The following SGMS1 variants were observed in gnomAD, a reference collection of about 807,000 sequenced individuals.
SGMS1 encodes phosphatidylcholine:ceramide cholinephosphotransferase 1.
A neutral mutation model predicts 46.2 loss-of-function variants in SGMS1; 13 were observed. The observed-to-expected ratio is 0.28, with a 90% CI of 0.18 to 0.45. SGMS1 has a LOEUF of 0.45. Ranked by LOEUF, SGMS1 falls within the 20% of genes least tolerant of loss-of-function variation. The pLI is 1.00. For synonymous variants in SGMS1, 203 were observed against 187.8 expected (o/e 1.08, Z -0.66); for missense variants, 324 against 519.9 (o/e 0.62, Z 3.66).
At chr10:50,482,496 G>A (rs1163450882) in intron 3 of SGMS1, among the ~76,000 whole-genome samples, 3 of 152,158 alleles carry the variant, frequency 2.0e-5, no homozygotes, top group African/African-American at 7.2e-5. Context: ...TCGAAACACT[G>A]AGGGAATTTG....
intron 7 of SGMS1, among the ~76,000 whole-genome samples, chr10:50,333,515 G>A (rs1589389523): frequency 1.3e-5 from 2 of 152,164 alleles, no homozygotes; most frequent in Admixed American, 1.3e-4. Flanking sequence ...ATTGGGGCCT[G>A]TGAGTTCTGT....
At chr10:50,479,077 A>G (rs940693224) in intron 3 of SGMS1, among the ~76,000 whole-genome samples, 1 of 115,780 alleles carries the variant, frequency 8.6e-6, no homozygotes, top group Non-Finnish European at 2.1e-5. Context: ...TCTTTGCTCC[A>G]GAATTTCTCC....
intron 7 of SGMS1, among the ~76,000 whole-genome samples, chr10:50,328,904 A>G (rs1035925880): frequency 6.6e-6 from 1 of 152,228 alleles, no homozygotes; most frequent in Non-Finnish European, 1.5e-5. Context: ...ATACCAAAGT[A>G]AATTCTACAT....
intron 6 of SGMS1, among the ~76,000 whole-genome samples, chr10:50,426,935 C>T (rs1324066939): frequency 6.6e-6 from 1 of 151,992 alleles, no homozygotes; most frequent in Non-Finnish European, 1.5e-5. Flanking sequence ...AAAAAGCACC[C>T]CAATTAACAA....
At chr10:50,483,309 AC>A (rs988272914) in intron 3 of SGMS1, among the ~76,000 whole-genome samples, 28 of 152,248 alleles carry the variant, frequency 1.8e-4, no homozygotes, top group African/African-American at 6.5e-4. Context: ...TGAACTCCTG[AC>A]CTCAAGTGAT....
chr10:50,323,976 C>T (rs898760874), intron 8 of SGMS1, among the ~76,000 whole-genome samples: 2 of 152,192 alleles, frequency 1.3e-5, no homozygotes, highest in African/African-American at 4.8e-5. Context: ...CCTCATGCCT[C>T]ATACTCTAGC....
chr10:50,404,571 G>A (rs1475691139), intron 6 of SGMS1, among the ~76,000 whole-genome samples: 1 of 152,134 alleles, frequency 6.6e-6, no homozygotes, highest in Non-Finnish European at 1.5e-5. Flanking sequence ...CCACTGCATT[G>A]CAGTCTGGGT....
intron 9 of SGMS1, among the ~76,000 whole-genome samples, chr10:50,309,296 A>G (rs984320511): frequency 6.6e-6 from 1 of 152,188 alleles, no homozygotes. Context: ...GTGTGACTCT[A>G]TTAGTATCCA....
At chr10:50,439,514 C>T (rs1849515255) in intron 5 of SGMS1, among the ~76,000 whole-genome samples, 2 of 152,176 alleles carry the variant, frequency 1.3e-5, no homozygotes, top group Non-Finnish European at 1.5e-5. Flanking sequence ...TCCCAGGCTT[C>T]TTTATAATCA....
chr10:50,465,252 C>T (rs959118939), intron 4 of SGMS1, among the ~76,000 whole-genome samples: 9 of 152,102 alleles, frequency 5.9e-5, no homozygotes, highest in Non-Finnish European at 2.9e-5. Flanking sequence ...AACAAATTTG[C>T]GGTCCATTTT....
chr10:50,400,619 TA>T (rs1554934132), intron 6 of SGMS1, among the ~76,000 whole-genome samples: 3 of 151,108 alleles, frequency 2.0e-5, no homozygotes, highest in South Asian at 2.1e-4. Context: ...CCCAGCCAAT[TA>T]AAAAAAAATT....
At chr10:50,549,372 T>G (rs1838129480) in intron 2 of SGMS1, among the ~76,000 whole-genome samples, 1 of 152,174 alleles carries the variant, frequency 6.6e-6, no homozygotes, top group South Asian at 2.1e-4. Context: ...TAAAAAGGAA[T>G]GAGATCATGC....
chr10:50,344,885 A>C (rs1432660332), intron 6 of SGMS1, among the ~76,000 whole-genome samples: 2 of 152,062 alleles, frequency 1.3e-5, no homozygotes, highest in African/African-American at 4.8e-5. Context: ...AAAAAAAATA[A>C]TAATAATTTC....
chr10:50,523,558 A>G (rs1837874057), intron 2 of SGMS1, among the ~76,000 whole-genome samples: 1 of 152,198 alleles, frequency 6.6e-6, no homozygotes, highest in Admixed American at 6.5e-5. Context: ...CTACTGGCAT[A>G]ACAAAACAGT....
At chr10:50,374,618 T>C (rs918079636) in intron 6 of SGMS1, among the ~76,000 whole-genome samples, 3 of 152,104 alleles carry the variant, frequency 2.0e-5, no homozygotes, top group African/African-American at 7.2e-5. Context: ...ACCAAACCTC[T>C]TTCTTACTAG....
At chr10:50,505,896 G>A (rs1418623784) in intron 3 of SGMS1, among the ~76,000 whole-genome samples, 1 of 152,120 alleles carries the variant, frequency 6.6e-6, no homozygotes, top group Non-Finnish European at 1.5e-5. Flanking sequence ...GAGGGTGCCC[G>A]GCTGACCCCA....
At chr10:50,456,108 T>G (rs1386002688) in intron 5 of SGMS1, among the ~76,000 whole-genome samples, 3 of 152,164 alleles carry the variant, frequency 2.0e-5, no homozygotes, top group Non-Finnish European at 2.9e-5. Flanking sequence ...TGTCTGGGTG[T>G]CCATTTTCCA....
At chr10:50,365,597 C>G (rs181425564) in intron 6 of SGMS1, among the ~76,000 whole-genome samples, 1 of 152,022 alleles carries the variant, frequency 6.6e-6, no homozygotes, top group Non-Finnish European at 1.5e-5. Context: ...CCCATACCCC[C>G]GACAGGCCCC....
chr10:50,555,259 C>T (rs4935173), intron 2 of SGMS1, among the ~76,000 whole-genome samples: 32,061 of 152,176 alleles, frequency 0.21, 4,149 homozygotes, highest in East Asian at 0.64. Flanking sequence ...TTAGCAAATA[C>T]CTAGAATCAC....
Sources: gnomAD v4.1 joint callset for allele counts (sites outside exome capture counted in the v4.1 genomes callset) on GRCh38, gnomAD v4.1.1 for gene constraint, MANE v1.5 for transcripts, NCBI Gene and HGNC (gene_info 2026-07-23, HGNC 2026-07-21) for gene names.